Variants in CACNB4 observed in about 807,000 individuals in gnomAD.
CACNB4 encodes calcium voltage-gated channel auxiliary subunit beta 4.
Under a neutral mutation model 71.2 loss-of-function variants are expected in CACNB4, and 32 were observed. That is an observed-to-expected ratio of 0.45 (90% confidence interval 0.34 to 0.60). CACNB4 has a LOEUF of 0.60. Among genes scored for constraint, CACNB4 ranks in the 20% least tolerant of loss-of-function variants. The pLI is 0.01. For synonymous variants in CACNB4, 231 were observed against 236.9 expected (o/e 0.97, Z 0.23); for missense variants, 464 against 647.9 (o/e 0.72, Z 3.08).
At chr2:151,971,361 C>A (rs1344007456) in intron 2 of CACNB4, 3 of 609,074 alleles carry the variant, frequency 4.9e-6, no homozygotes, top group Non-Finnish European at 5.9e-6. Context: ...TTCAACAGCA[C>A]AGAACGGTAG....
chr2:151,922,348 G>A (rs137996381), intron 2 of CACNB4, among the ~76,000 whole-genome samples: 42 of 152,232 alleles, frequency 2.8e-4, no homozygotes, highest in Middle Eastern at 3.4e-3. Context: ...GACTATAGGC[G>A]TGTGCTGCCT....
intron 2 of CACNB4, among the ~76,000 whole-genome samples, chr2:152,049,566 A>C: frequency 6.7e-6 from 1 of 148,906 alleles, no homozygotes; most frequent in Non-Finnish European, 1.5e-5. Context: ...TCTCTTGCTC[A>C]CTCTCTCTCT....
chr2:152,089,785 G>GA (rs70974820), intron 2 of CACNB4, among the ~76,000 whole-genome samples: 32 of 146,632 alleles, frequency 2.2e-4, no homozygotes, highest in Non-Finnish European at 3.0e-4. Flanking sequence ...TAAAAAAAAA[G>GA]AAAAAAAAAA....
At chr2:151,989,945 C>G (rs986350841) in intron 2 of CACNB4, among the ~76,000 whole-genome samples, 1 of 152,188 alleles carries the variant, frequency 6.6e-6, no homozygotes, top group East Asian at 1.9e-4. Flanking sequence ...CCCCTAACAA[C>G]TTTTGAACCT....
At chr2:151,863,775 T>C (rs2151384047) in intron 9 of CACNB4, among the ~76,000 whole-genome samples, 1 of 152,310 alleles carries the variant, frequency 6.6e-6, no homozygotes, top group Admixed American at 6.5e-5. Context: ...CAGGGAAAGA[T>C]GCAGACAATA....
At chr2:151,940,622 A>G (rs1019853000) in intron 2 of CACNB4, among the ~76,000 whole-genome samples, 6 of 152,314 alleles carry the variant, frequency 3.9e-5, no homozygotes, top group African/African-American at 9.6e-5. Flanking sequence ...CAAGAAATTT[A>G]TCCTATCGGA....
At chr2:152,055,842 A>G (rs1685694120) in intron 2 of CACNB4, among the ~76,000 whole-genome samples, 1 of 152,144 alleles carries the variant, frequency 6.6e-6, no homozygotes, top group South Asian at 2.1e-4. Context: ...AGGAGACAGA[A>G]ACTGGGCAAA....
At chr2:151,954,896 TG>T (rs1389317450) in intron 2 of CACNB4, among the ~76,000 whole-genome samples, 15 of 145,774 alleles carry the variant, frequency 1.0e-4, no homozygotes, top group Non-Finnish European at 2.3e-4. Flanking sequence ...CTCTGTTGTC[TG>T]GGCTGGAGTG....
intron 2 of CACNB4, among the ~76,000 whole-genome samples, chr2:151,988,200 G>A (rs532483423): frequency 7.9e-5 from 12 of 152,136 alleles, no homozygotes; most frequent in African/African-American, 9.6e-5. Context: ...AGTGGACAAC[G>A]GTTGCGGCAA....
chr2:152,083,287 G>C (rs1334211891), intron 2 of CACNB4, among the ~76,000 whole-genome samples: 1 of 151,714 alleles, frequency 6.6e-6, no homozygotes, highest in Non-Finnish European at 1.5e-5. Context: ...GCCAGGGACA[G>C]TATTTAAAGC....
chr2:152,022,105 A>G (rs1683703247), intron 2 of CACNB4, among the ~76,000 whole-genome samples: 2 of 151,994 alleles, frequency 1.3e-5, no homozygotes, highest in South Asian at 4.1e-4. Flanking sequence ...GAAACAAAGA[A>G]CCTCTCTCCT....
At chr2:152,078,083 G>A (rs1357660789) in intron 2 of CACNB4, among the ~76,000 whole-genome samples, 1 of 152,130 alleles carries the variant, frequency 6.6e-6, no homozygotes, top group Non-Finnish European at 1.5e-5. Context: ...GAGGTGGCTG[G>A]GCTTGGGATG....
At chr2:151,902,333 C>A (rs1383240126) in intron 2 of CACNB4, among the ~76,000 whole-genome samples, 1 of 152,140 alleles carries the variant, frequency 6.6e-6, no homozygotes, top group Non-Finnish European at 1.5e-5. Flanking sequence ...ACTCAGACTT[C>A]ACCCATCTTT....
intron 12 of CACNB4, chr2:151,852,386 A>G (rs957078623): frequency 2.0e-5 from 3 of 152,222 alleles, no homozygotes; most frequent in African/African-American, 7.2e-5. Context: ...CTACTATGAT[A>G]GGGAACTGAC....
At chr2:151,887,374 G>C (rs2099849621) in intron 2 of CACNB4, among the ~76,000 whole-genome samples, 1 of 151,410 alleles carries the variant, frequency 6.6e-6, no homozygotes, top group South Asian at 2.1e-4. Flanking sequence ...TCATATTGCA[G>C]TAAGCCAAGG....
intron 2 of CACNB4, among the ~76,000 whole-genome samples, chr2:151,950,284 T>C (rs1267262051): frequency 1.3e-5 from 2 of 152,188 alleles, no homozygotes; most frequent in Non-Finnish European, 2.9e-5. Flanking sequence ...TTTTTAGCCT[T>C]GTTCCAAGAT....
intron 2 of CACNB4, among the ~76,000 whole-genome samples, chr2:152,066,471 A>G (rs1446794149): frequency 7.2e-5 from 11 of 151,926 alleles, no homozygotes; most frequent in African/African-American, 1.9e-4. Flanking sequence ...TTAGAATGGC[A>G]ATCATTAAAA....
intron 4 of CACNB4, 101 bp from the exon 5 acceptor site, chr2:151,876,657 T>C (rs190200593): frequency 3.1e-6 from 2 of 655,246 alleles, no homozygotes; most frequent in East Asian, 6.4e-5. Flanking sequence ...ATTTATATGA[T>C]ATGATATGCT....
chr2:151,897,719 T>C (rs1423407914), intron 2 of CACNB4, among the ~76,000 whole-genome samples: 1 of 152,220 alleles, frequency 6.6e-6, no homozygotes, highest in Non-Finnish European at 1.5e-5. Context: ...GCTGGAATTC[T>C]AGGGCTGCTC....
Sources: gnomAD v4.1 joint callset for allele counts (sites outside exome capture counted in the v4.1 genomes callset) on GRCh38, gnomAD v4.1.1 for gene constraint, MANE v1.5 for transcripts, NCBI Gene and HGNC (gene_info 2026-07-23, HGNC 2026-07-21) for gene names.